DST: variants seen among roughly 807,000 people sequenced by gnomAD.
DST encodes the protein bullous pemphigoid antigen.
A neutral mutation model predicts 875.2 loss-of-function variants in DST; 253 were observed. That is an observed-to-expected ratio of 0.29 (90% CI 0.26 to 0.32). The LOEUF is 0.32. Ranked by LOEUF, DST falls within the 10% of genes least tolerant of loss-of-function variation. DST has a pLI of 1.00. For missense variants in DST, 8,287 were observed against 9,111.6 expected (o/e 0.91, Z 3.68); for synonymous variants, 3,124 against 3,197.1 (o/e 0.98, Z 0.77).
At chr6:56,931,279 T>G (rs1255037387) in intron 2 of DST, among the ~76,000 whole-genome samples, 1 of 152,192 alleles carries the variant, frequency 6.6e-6, no homozygotes, top group African/African-American at 2.4e-5. Flanking sequence ...GTATTGAGCC[T>G]GCGAGTGCAC....
At chr6:56,603,747 C>G in intron 40 of DST, 34 bp from the exon 41 acceptor site, 7 of 1,583,580 alleles carry the variant, frequency 4.4e-6, no homozygotes, top group Non-Finnish European at 6.0e-6. Flanking sequence ...AATTCAATAA[C>G]CTTTATGCAG....
intron 4 of DST, among the ~76,000 whole-genome samples, chr6:56,830,484 A>G (rs967658031): frequency 3.9e-5 from 6 of 152,180 alleles, no homozygotes; most frequent in South Asian, 2.1e-4. Flanking sequence ...AGTATATGTC[A>G]TAAGTTTTCT....
At chr6:56,938,123 T>C (rs1814199758) in intron 2 of DST, among the ~76,000 whole-genome samples, 1 of 147,280 alleles carries the variant, frequency 6.8e-6, no homozygotes, top group Non-Finnish European at 1.5e-5. Context: ...TATATATATA[T>C]ATATATATGT....
chr6:56,635,355 GCACACA>G lies in DST; in HGVS notation c.3186+228_3186+233del, dbSNP rs541249771. Among the ~76,000 whole-genome samples the G allele has an allele frequency of 6.5e-3, 976 of 150,822 alleles. 7 individuals are homozygous for G. The highest frequency in any genetic ancestry group is 0.023 in the African/African-American group (932 of 41,148). On this transcript the variant is annotated intron_variant, in intron 24 of 103. Transcript: ENST00000680361. The stretch of plus-strand genomic sequence containing the variant: ...AAAATGAATAACTAAACACACACGT[GCACACA>G]CACACACACGACACTAAAAACCATC...
At chr6:56,461,150 C>G (rs1179758087) in intron 102 of DST, 1 of 152,108 alleles carries the variant, frequency 6.6e-6, no homozygotes, top group East Asian at 1.9e-4. Context: ...CTGATTTTCC[C>G]TTTATTAGCT....
At chr6:56,810,954 G>A (rs2099759193) in intron 4 of DST, among the ~76,000 whole-genome samples, 2 of 151,900 alleles carry the variant, frequency 1.3e-5, no homozygotes, top group African/African-American at 2.4e-5. Flanking sequence ...GGCAGAGGCA[G>A]GAGGATCGTT....
chr6:56,713,862 T>C (rs1190452526), intron 5 of DST, among the ~76,000 whole-genome samples: 3 of 152,224 alleles, frequency 2.0e-5, no homozygotes, highest in Admixed American at 1.3e-4. Flanking sequence ...AGATACTTTA[T>C]ATGCAAACTA....
chr6:56,685,385 C>A (rs1417305641), intron 9 of DST, among the ~76,000 whole-genome samples: 3 of 152,104 alleles, frequency 2.0e-5, no homozygotes, highest in South Asian at 2.1e-4. Context: ...AAGCGGCCAA[C>A]AAACATATGA....
At chr6:56,953,681 C>G in intron 2 of DST, 104 bp downstream of exon 2, 2 of 798,478 alleles carry the variant, frequency 2.5e-6, no homozygotes, top group Non-Finnish European at 3.6e-6. Flanking sequence ...ACAGCATGTT[C>G]GTCATTCAGT....
intron 2 of DST, among the ~76,000 whole-genome samples, chr6:56,944,017 TG>T (rs1818121033): frequency 1.3e-5 from 2 of 152,034 alleles, no homozygotes; most frequent in Admixed American, 1.3e-4. Flanking sequence ...CTCGGGCAGC[TG>T]AGGCAGGAGA....
chr6:56,813,954 A>T (rs1743757644), intron 4 of DST, among the ~76,000 whole-genome samples: 1 of 152,144 alleles, frequency 6.6e-6, no homozygotes, highest in Admixed American at 6.5e-5. Flanking sequence ...TTTAAGCATG[A>T]GGAAAAAAAA....
chr6:56,863,289 G>A (rs1291924872), intron 3 of DST: 1 of 152,142 alleles, frequency 6.6e-6, no homozygotes, highest in Admixed American at 6.5e-5. Context: ...CACAGGAGTT[G>A]TTTTGGGGAA....
At chr6:56,633,143 A>C in intron 27 of DST, 106 bp from the exon 28 acceptor site, 1 of 858,736 alleles carries the variant, frequency 1.2e-6, no homozygotes, top group Non-Finnish European at 1.9e-6. Flanking sequence ...ACGAATAATC[A>C]TAAATAGGAA....
At chr6:56,557,185 AAAC>A (rs1214300987) in intron 59 of DST, 131 bp downstream of exon 59, 2 of 793,290 alleles carry the variant, frequency 2.5e-6, no homozygotes, top group African/African-American at 1.8e-5. Flanking sequence ...TGGGCATCTG[AAAC>A]ATTACATATA....
chr6:56,633,195 G>A (rs60599813), intron 27 of DST, among the ~76,000 whole-genome samples, 158 bp from the exon 28 acceptor site: 2 of 149,214 alleles, frequency 1.3e-5, no homozygotes, highest in African/African-American at 2.5e-5. Flanking sequence ...ATTTTAGGTG[G>A]TTTTTTTTTG....
At chr6:56,768,415 A>C (rs1032111589) in intron 4 of DST, among the ~76,000 whole-genome samples, 1 of 152,228 alleles carries the variant, frequency 6.6e-6, no homozygotes, top group Non-Finnish European at 1.5e-5. Context: ...GATCTTTGAC[A>C]AAAAAGAAAA....
intron 2 of DST, among the ~76,000 whole-genome samples, chr6:56,905,987 C>T (rs140329340): frequency 0.015 from 2,219 of 152,238 alleles, 62 homozygotes; most frequent in African/African-American, 0.05. Flanking sequence ...TCTCCACGGA[C>T]ATTTAGATTG....
intron 4 of DST, among the ~76,000 whole-genome samples, chr6:56,761,795 T>C (rs1033684288): frequency 1.3e-5 from 2 of 152,212 alleles, no homozygotes; most frequent in Non-Finnish European, 2.9e-5. Context: ...ACTCACTTGA[T>C]ACTTCAAGTC....
intron 2 of DST, among the ~76,000 whole-genome samples, chr6:56,944,677 A>G (rs1818520298): frequency 6.6e-6 from 1 of 152,216 alleles, no homozygotes; most frequent in Non-Finnish European, 1.5e-5. Context: ...TATACTAAGA[A>G]TGAACTTTAT....
Sources: allele counts gnomAD v4.1 joint callset (sites outside exome capture counted in the v4.1 genomes callset), GRCh38; gene constraint gnomAD v4.1.1; transcripts MANE v1.5; gene names NCBI Gene and HGNC (gene_info 2026-07-23, HGNC 2026-07-21).